The following AMOTL1 variants were observed in gnomAD, a reference collection of about 807,000 sequenced individuals.
AMOTL1 encodes the protein angiomotin like 1.
AMOTL1 carries 45 observed loss-of-function variants against 102.9 expected under a neutral mutation model. That is an observed-to-expected ratio of 0.44 (90% confidence interval 0.34 to 0.56). The LOEUF is 0.56. Ranked by LOEUF, AMOTL1 falls within the 20% of genes least tolerant of loss-of-function variation. AMOTL1 has a pLI of 0.01. For missense variants in AMOTL1, 1,114 were observed against 1,225.6 expected (o/e 0.91, Z 1.36); for synonymous variants, 481 against 484.7 (o/e 0.99, Z 0.10).
At chr11:94,866,764 G>GTAA (rs1289447302) in intron 11 of AMOTL1, 1 of 158,986 alleles carries the variant, frequency 6.3e-6, no homozygotes, top group Non-Finnish European at 1.4e-5. Flanking sequence ...TACCCCATGG[G>GTAA]GCGTGGGAGG....
At position 94,803,554 on chromosome 11, in the gene AMOTL1, A is replaced by G. The variant is rs1951516998; in HGVS notation, c.1121+3243A>G. On this transcript the variant is annotated intron_variant, in intron 3 of 12. Coordinates refer to ENST00000433060, the MANE Select transcript of AMOTL1 (RefSeq NM_130847.3). Reference sequence around the variant, plus strand: ...GTAAATGGATAAGAATGAGGACAAGATGGGAATTAAACAGGTTGTTACTGT... The same window carrying G: ...GTAAATGGATAAGAATGAGGACAAGGTGGGAATTAAACAGGTTGTTACTGT... Among the ~76,000 whole-genome samples the G allele has an allele frequency of 2.6e-5, 4 of 152,318 alleles. No homozygotes were observed. In the South Asian group the frequency reaches 8.3e-4, roughly 32 times the overall value.
intron 7 of AMOTL1, among the ~76,000 whole-genome samples, chr11:94,853,382 G>T (rs543015112): frequency 1.3e-5 from 2 of 151,542 alleles, no homozygotes. Flanking sequence ...TCCCACTTAC[G>T]AGTGAGAACA....
At chr11:94,731,524 G>C (rs1950351968) in intron 2 of AMOTL1, among the ~76,000 whole-genome samples, 2 of 152,216 alleles carry the variant, frequency 1.3e-5, no homozygotes, top group African/African-American at 4.8e-5. Context: ...GGCACTCGGA[G>C]AGGAAGTGTA....
chr11:94,786,739 A>C (rs190978677), intron 1 of AMOTL1, among the ~76,000 whole-genome samples: 1,929 of 152,294 alleles, frequency 0.013, 13 homozygotes, highest in Non-Finnish European at 0.021. Flanking sequence ...AACAGCTTTT[A>C]CCTTCGTTTC....
At chr11:94,822,697 T>G (rs1197961086) in intron 4 of AMOTL1, among the ~76,000 whole-genome samples, 1 of 152,188 alleles carries the variant, frequency 6.6e-6, no homozygotes, top group South Asian at 2.1e-4. Flanking sequence ...TGGCAGCCAT[T>G]ATTCTTACAG....
chr11:94,821,556 C>T lies in AMOTL1; in HGVS notation c.1148C>T (p.Ser383Leu), dbSNP rs1951865858. Residue 383 changes from serine to leucine, a missense_variant, in exon 4 of 13, where the codon TCA (serine) becomes TTA (leucine). Coordinates refer to ENST00000433060, the MANE Select transcript of AMOTL1 (RefSeq NM_130847.3). ...CGCCCATGCCAACTTCCGTTCCCAT[C>T]AACCATGCAGCAGCACAGCCCCATG... The part of the protein sequence containing the change: ...TSRPCQLPFP[S>L]TMQQHSPMSS... The T allele has an allele frequency of 6.2e-7, 1 of 1,613,776 alleles. No homozygotes were observed. Among genetic ancestry groups the T allele is most frequent in the African/African-American group, 1.3e-5 (1 of 74,944 alleles).
chr11:94,874,457 T>G lies in AMOTL1; in HGVS notation c.*3662T>G, dbSNP rs1953060990. On this transcript the variant is annotated 3_prime_UTR_variant, in exon 13 of 13. Coordinates refer to ENST00000433060, the MANE Select transcript of AMOTL1 (RefSeq NM_130847.3). Reference sequence around the variant, plus strand: ...GGTGGAGCCCTTCTGGGTGCAGTCCTCTGGGGTTGCTCTTTGGAACTCATG... The same window carrying G: ...GGTGGAGCCCTTCTGGGTGCAGTCCGCTGGGGTTGCTCTTTGGAACTCATG... 1 of 152,266 alleles carries G rather than the reference T, an allele frequency of 6.6e-6. No individual in the cohort carries two copies. The highest frequency in any genetic ancestry group is 1.5e-5 in the Non-Finnish European group (1 of 68,074). The allele number at this position is 152,266 out of a possible 1,614,324, so 9.4% of individuals were successfully genotyped here. A position where few individuals can be genotyped will look rare whatever the true frequency, so the allele number is the denominator to read the frequency against.
chr11:94,867,334 C>G (rs1952904490), intron 11 of AMOTL1, among the ~76,000 whole-genome samples: 1 of 152,172 alleles, frequency 6.6e-6, no homozygotes, highest in Non-Finnish European at 1.5e-5. Context: ...TAGCTCCCAC[C>G]CCAGCTAGAG....
chr11:94,839,974 T>A (rs868860276), intron 6 of AMOTL1, among the ~76,000 whole-genome samples: 1 of 152,208 alleles, frequency 6.6e-6, no homozygotes, highest in Non-Finnish European at 1.5e-5. Flanking sequence ...CTTTTACATC[T>A]ATGTTTGAAC....
chr11:94,726,345 C>T (rs1228484972), intron 1 of AMOTL1, among the ~76,000 whole-genome samples: 1 of 152,204 alleles, frequency 6.6e-6, no homozygotes, highest in African/African-American at 2.4e-5. Flanking sequence ...TCTTCACCCA[C>T]ACTGGGCATT....
chr11:94,792,524 G>A (rs1482543276), intron 1 of AMOTL1, among the ~76,000 whole-genome samples: 3 of 152,226 alleles, frequency 2.0e-5, no homozygotes, highest in Non-Finnish European at 4.4e-5. Flanking sequence ...CAGCTCAGCC[G>A]GTTGGTTGTC....
chr11:94,799,124 G>A lies in AMOTL1; in HGVS notation c.200-266G>A, dbSNP rs1951419641. ...TATGTGATGAAGAGAAAGGACCGGT[G>A]GGGAGATTAGAGAAAAGGGAGGGGT... On this transcript the variant is annotated intron_variant, in intron 2 of 12. Transcript: ENST00000433060. This position sits in a 1 kb window ranked among gnomAD's most constrained non-coding sequence, Gnocchi z 4.5. 6.6e-6 allele frequency among the ~76,000 whole-genome samples: 1 copy of A among 152,022 alleles called. No homozygotes were observed. Among genetic ancestry groups the A allele is most frequent in the South Asian group, 2.1e-4 (1 of 4,824 alleles).
At chr11:94,835,107 A>G (rs1244291479) in intron 6 of AMOTL1, among the ~76,000 whole-genome samples, 1 of 152,180 alleles carries the variant, frequency 6.6e-6, no homozygotes, top group Non-Finnish European at 1.5e-5. Flanking sequence ...ACTTCATGGT[A>G]TTGTAACATT....
chr11:94,838,148 A>G (rs1014620176), intron 6 of AMOTL1, among the ~76,000 whole-genome samples: 8 of 152,210 alleles, frequency 5.3e-5, no homozygotes, highest in Non-Finnish European at 1.2e-4. Context: ...TAAATAAGTA[A>G]TTGTTTGGAT....
Position 94,859,656 on chromosome 11 carries a change from G to A in AMOTL1, c.2076G>A (p.Leu692=). ...TGACAAAGTGGGAGCAGAAGTACCT[G>A]GAGGAGAGCACCATCCGACACTTTG... The part of the protein sequence containing the change: ...ADMTKWEQKY[L]EESTIRHFAM... The change falls in exon 9 of 13, where the codon CTG becomes CTA. Residue 692 remains leucine, a synonymous_variant. Transcript: ENST00000433060. 6.2e-7 allele frequency: 1 copy of A among 1,613,274 alleles called. No individual in the cohort carries two copies. Among genetic ancestry groups the A allele is most frequent in the Non-Finnish European group, 8.5e-7 (1 of 1,179,614 alleles).
At chr11:94,843,010 C>G (rs184468482) in intron 6 of AMOTL1, among the ~76,000 whole-genome samples, 172 of 152,352 alleles carry the variant, frequency 1.1e-3, no homozygotes, top group African/African-American at 4.0e-3. Context: ...CACCCACTTG[C>G]AGCCTATGTA....
intron 4 of AMOTL1, 150 bp downstream of exon 4, chr11:94,821,971 C>T: frequency 9.3e-7 from 1 of 1,070,148 alleles, no homozygotes; most frequent in Non-Finnish European, 1.3e-6. Flanking sequence ...ATAAATATGA[C>T]CCAGTTCCTG....
At chr11:94,869,740 G>A (rs768423373) in intron 12 of AMOTL1, among the ~76,000 whole-genome samples, 56 of 152,226 alleles carry the variant, frequency 3.7e-4, no homozygotes, top group African/African-American at 1.3e-3. Context: ...ACCTTTCCCC[G>A]GATGGAGTGA....
chr11:94,707,250 C>CTCTCTCTGTGTGTGTG (rs1338023479), intron 1 of AMOTL1, among the ~76,000 whole-genome samples: 2 of 71,712 alleles, frequency 2.8e-5, no homozygotes, highest in African/African-American at 8.0e-5. Context: ...CTCTCTCTCT[C>CTCTCTCTGTGTGTGTG]TGTGTGTGTG....
Sources: allele counts gnomAD v4.1 joint callset (sites outside exome capture counted in the v4.1 genomes callset), GRCh38; gene constraint gnomAD v4.1.1; non-coding constraint Gnocchi (gnomAD v3.1); transcripts MANE v1.5; gene names NCBI Gene and HGNC (gene_info 2026-07-23, HGNC 2026-07-21).